Variants in RBFOX1 observed in about 807,000 individuals in gnomAD.
RBFOX1 encodes the protein RNA binding fox-1 homolog 1.
Under a neutral mutation model 57.7 loss-of-function variants are expected in RBFOX1, and 8 were observed. The ratio of observed to expected loss-of-function variants is 0.14; its 90% CI spans 0.08 to 0.25. RBFOX1 has a LOEUF of 0.25. Ranked by LOEUF, RBFOX1 falls within the 10% of genes least tolerant of loss-of-function variation. The probability of loss-of-function intolerance (pLI) is 1.00; values close to 1 mark genes in which losing one functional copy is unlikely to be tolerated. For synonymous variants in RBFOX1, 326 were observed against 222.4 expected, an observed-to-expected ratio of 1.47 and a Z score of -4.15; for missense variants, 611 against 548.5, an observed-to-expected ratio of 1.11 and a Z score of -1.14.
At chr16:7,544,320 A>G (rs939189738) in intron 5 of RBFOX1, among the ~76,000 whole-genome samples, 55 of 152,218 alleles carry the variant, frequency 3.6e-4, no homozygotes, top group African/African-American at 1.2e-3. Flanking sequence ...GGTTTATAAA[A>G]TGGGCTTGAT....
intron 4 of RBFOX1, among the ~76,000 whole-genome samples, chr16:7,105,682 C>T (rs1396493235): frequency 2.6e-5 from 4 of 151,954 alleles, no homozygotes; most frequent in Non-Finnish European, 5.9e-5. Flanking sequence ...TCATATCTAT[C>T]TGTCTATCTC....
intron 3 of RBFOX1, among the ~76,000 whole-genome samples, chr16:5,781,448 A>T (rs1016686739): frequency 6.6e-6 from 1 of 152,244 alleles, no homozygotes; most frequent in Non-Finnish European, 1.5e-5. Flanking sequence ...AAATGCCAGT[A>T]GTAGGCCCAG....
intron 4 of RBFOX1, among the ~76,000 whole-genome samples, chr16:7,214,366 C>G (rs574961812): frequency 1.3e-5 from 2 of 152,094 alleles, no homozygotes; most frequent in East Asian, 3.9e-4. Flanking sequence ...ATGGCATGAT[C>G]GGGGTGCTCA....
At chr16:5,598,223 CAA>C (rs58453473) in intron 2 of RBFOX1, among the ~76,000 whole-genome samples, 4,762 of 138,868 alleles carry the variant, frequency 0.034, 244 homozygotes, top group African/African-American at 0.12. Flanking sequence ...GACTCTGTCT[CAA>C]AAAAAAAAAA....
chr16:6,507,856 G>A (rs903369015), intron 2 of RBFOX1, among the ~76,000 whole-genome samples: 2 of 152,046 alleles, frequency 1.3e-5, no homozygotes, highest in Non-Finnish European at 1.5e-5. Flanking sequence ...GTTTTAATGG[G>A]TAGAGATTTC....
intron 2 of RBFOX1, among the ~76,000 whole-genome samples, chr16:6,337,284 A>G (rs1004114490): frequency 6.6e-6 from 1 of 152,188 alleles, no homozygotes; most frequent in Admixed American, 6.5e-5. Context: ...TAAAGTCGAC[A>G]TGCTGATGCC....
chr16:5,759,458 G>A (rs1384160971), intron 3 of RBFOX1, among the ~76,000 whole-genome samples: 1 of 152,222 alleles, frequency 6.6e-6, no homozygotes, highest in Non-Finnish European at 1.5e-5. Context: ...TGACAGAAAT[G>A]CCACGCAGCT....
chr16:7,554,265 C>T lies in RBFOX1; in HGVS notation c.271-25512C>T, dbSNP rs183271420. Reference sequence around the variant, plus strand: ...AAAGGAATGCACAGAAATATTTAGTCATAGCAGGAACCGTTCTTCAACTAT... The same window carrying T: ...AAAGGAATGCACAGAAATATTTAGTTATAGCAGGAACCGTTCTTCAACTAT... On this transcript the variant is annotated intron_variant, in intron 5 of 15. Coordinates refer to ENST00000550418, the MANE Select transcript of RBFOX1 (RefSeq NM_018723.4). Among the ~76,000 whole-genome samples the T allele has an allele frequency of 4.9e-3, 746 of 152,284 alleles. 2 individuals are homozygous for T. The highest frequency in any genetic ancestry group is 8.5e-3 in the Non-Finnish European group (578 of 68,030).
chr16:6,064,535 C>T (rs1025280352), intron 1 of RBFOX1, among the ~76,000 whole-genome samples: 1 of 151,822 alleles, frequency 6.6e-6, no homozygotes, highest in East Asian at 1.9e-4. Flanking sequence ...ATACAATTTT[C>T]TTTTTTTTAT....
At chr16:6,089,818 A>G (rs1365123569) in intron 1 of RBFOX1, among the ~76,000 whole-genome samples, 2 of 152,230 alleles carry the variant, frequency 1.3e-5, no homozygotes, top group African/African-American at 2.4e-5. Flanking sequence ...CTAAGACACC[A>G]TCGCTTTGCA....
At chr16:6,835,140 A>T (rs2092996497) in intron 3 of RBFOX1, among the ~76,000 whole-genome samples, 1 of 151,966 alleles carries the variant, frequency 6.6e-6, no homozygotes. Context: ...TGACCCTGTG[A>T]TCTGCCCACC....
chr16:6,901,479 C>T (rs1291233874), intron 3 of RBFOX1, among the ~76,000 whole-genome samples: 1 of 152,162 alleles, frequency 6.6e-6, no homozygotes, highest in East Asian at 1.9e-4. Context: ...ACGACTCTTC[C>T]TTAGCCCATG....
chr16:6,853,689 A>G (rs547159994), intron 3 of RBFOX1, among the ~76,000 whole-genome samples: 126 of 152,270 alleles, frequency 8.3e-4, no homozygotes, highest in South Asian at 3.7e-3. Context: ...ACCTGTAGCA[A>G]TTTATCACCC....
chr16:7,140,931 A>T (rs991003669), intron 4 of RBFOX1, among the ~76,000 whole-genome samples: 1 of 152,176 alleles, frequency 6.6e-6, no homozygotes, highest in African/African-American at 2.4e-5. Flanking sequence ...CATGGTTTCT[A>T]AGTGTCTCAG....
chr16:5,996,654 G>C (rs2060495901), intron 4 of RBFOX1, among the ~76,000 whole-genome samples: 1 of 152,112 alleles, frequency 6.6e-6, no homozygotes, highest in Non-Finnish European at 1.5e-5. Context: ...TTACCACCTT[G>C]GGGCTTGAAG....
chr16:7,539,345 A>G (rs2082303425), intron 5 of RBFOX1, among the ~76,000 whole-genome samples: 1 of 152,128 alleles, frequency 6.6e-6, no homozygotes, highest in African/African-American at 2.4e-5. Flanking sequence ...TTCCAGGAAG[A>G]GTGAAGAGTA....
intron 1 of RBFOX1, among the ~76,000 whole-genome samples, chr16:5,266,671 C>G (rs1321501738): frequency 6.6e-6 from 1 of 151,806 alleles, no homozygotes; most frequent in East Asian, 1.9e-4. Context: ...CCTCAGCCCT[C>G]TGGAGTAGCT....
At chr16:6,912,808 C>G (rs2072033596) in intron 3 of RBFOX1, among the ~76,000 whole-genome samples, 2 of 151,666 alleles carry the variant, frequency 1.3e-5, no homozygotes, top group Admixed American at 6.6e-5. Flanking sequence ...TTAAGACAGA[C>G]TTTGTCCCAC....
intron 3 of RBFOX1, among the ~76,000 whole-genome samples, chr16:5,713,329 G>A (rs778422585): frequency 1.3e-5 from 2 of 152,206 alleles, no homozygotes; most frequent in Admixed American, 1.3e-4. Flanking sequence ...GGGAGGAAGG[G>A]AGTCAGGGAC....
Sources: allele counts gnomAD v4.1 joint callset (sites outside exome capture counted in the v4.1 genomes callset), GRCh38; gene constraint gnomAD v4.1.1; transcripts MANE v1.5; gene names NCBI Gene and HGNC (gene_info 2026-07-23, HGNC 2026-07-21).